WDR27: variants seen among roughly 807,000 people sequenced by gnomAD.
WDR27 encodes WD repeat-containing protein 27.
Under a neutral mutation model 114.4 loss-of-function variants are expected in WDR27, and 100 were observed. The ratio of observed to expected loss-of-function variants is 0.87; its 90% CI spans 0.74 to 1.03. The LOEUF is 1.03. WDR27 is among the 50% of genes least tolerant of loss of function. The probability of loss-of-function intolerance (pLI) is 0.00; values close to 1 mark genes in which losing one functional copy is unlikely to be tolerated. For synonymous variants in WDR27, 449 were observed against 423.1 expected (o/e 1.06, Z -0.75); for missense variants, 1,129 against 1,092.9 (o/e 1.03, Z -0.47).
intron 17 of WDR27, among the ~76,000 whole-genome samples, chr6:169,640,439 G>A (rs1415938829): frequency 6.6e-6 from 1 of 152,204 alleles, no homozygotes; most frequent in Non-Finnish European, 1.5e-5. Flanking sequence ...TAGCTTTGCT[G>A]CCCTCACGTG....
At chr6:169,510,209 G>A (rs1285668750) in intron 25 of WDR27, among the ~76,000 whole-genome samples, 2 of 152,190 alleles carry the variant, frequency 1.3e-5, no homozygotes, top group Admixed American at 1.3e-4. Flanking sequence ...CAACCATTGT[G>A]GAAGTTGGCG....
intron 25 of WDR27, among the ~76,000 whole-genome samples, chr6:169,543,179 T>C (rs1446227788): frequency 6.6e-6 from 1 of 152,118 alleles, no homozygotes; most frequent in Non-Finnish European, 1.5e-5. Flanking sequence ...ATATCTTTTC[T>C]ATAAGTTTCA....
downstream of WDR27, among the ~76,000 whole-genome samples, chr6:169,452,461 G>A (rs1267280825): frequency 6.6e-6 from 1 of 152,242 alleles, no homozygotes; most frequent in Non-Finnish European, 1.5e-5. Flanking sequence ...CGGCTGCAGT[G>A]AGAGCAGCCG....
At chr6:169,430,606 A>T in the WDR27 span, among the ~76,000 whole-genome samples, 1 of 152,240 alleles carries the variant, frequency 6.6e-6, no homozygotes, top group East Asian at 1.9e-4. Flanking sequence ...ATGAAGAAGG[A>T]AAACAGGAAC....
At position 169,659,499 on chromosome 6, in the gene WDR27, G is replaced by T. The variant is rs1263570382; in HGVS notation, c.1149C>A (p.Ile383=). The change falls in exon 11 of 26, where the codon ATC becomes ATA. Residue 383 remains isoleucine (I), a synonymous_variant. Coordinates refer to ENST00000448612, the MANE Select transcript of WDR27 (RefSeq NM_182552.5). The surrounding 1 kb of genome is among the most constrained non-coding windows in gnomAD (Gnocchi z 4.3). ...TCAGGGCACACGATCCGGCCAGCAG[G>T]ATGCTGAGGCTCTGGAAATCTTCAG... ...LYYKDFQSLS[I]LLAGSCALRN... 1 of 1,610,282 alleles carries T rather than the reference G, an allele frequency of 6.2e-7. No homozygotes were observed. The highest frequency in any genetic ancestry group is 1.1e-5 in the South Asian group (1 of 90,102).
intron 25 of WDR27, among the ~76,000 whole-genome samples, chr6:169,521,409 A>G (rs1794361684): frequency 6.6e-6 from 1 of 152,146 alleles, no homozygotes; most frequent in Non-Finnish European, 1.5e-5. Flanking sequence ...TCTTCAATCT[A>G]AAGAAAAAAA....
At chr6:169,654,137 C>T (rs146153294) in intron 13 of WDR27, among the ~76,000 whole-genome samples, 52 of 152,270 alleles carry the variant, frequency 3.4e-4, no homozygotes, top group African/African-American at 1.1e-3. Context: ...ATGCAAAACT[C>T]CTCAATAAAA....
intron 21 of WDR27, among the ~76,000 whole-genome samples, chr6:169,621,391 C>A (rs947149066): frequency 3.3e-5 from 5 of 150,974 alleles, no homozygotes; most frequent in Admixed American, 1.3e-4. Context: ...CATACGCACA[C>A]ACATGCACAC....
In WDR27 at chr6:169,511,337, G is replaced by A. The variant is rs118101910; in HGVS notation, c.2646-53703C>T. ...ATTAAAATCAAATACTTATGGATTT[G>A]TATGTTTGGCAGTACCTATTTGTGT... On this transcript the variant is annotated intron_variant, in intron 25 of 25. Coordinates refer to ENST00000448612, the MANE Select transcript of WDR27 (RefSeq NM_182552.5). Among the ~76,000 whole-genome samples, 112 of 152,246 alleles carry A rather than the reference G, an allele frequency of 7.4e-4. 3 individuals are homozygous for A. In the East Asian group the frequency reaches 0.02, roughly 28 times the overall value.
intron 25 of WDR27, among the ~76,000 whole-genome samples, chr6:169,476,186 T>C (rs1447193058): frequency 6.6e-6 from 1 of 152,118 alleles, no homozygotes; most frequent in Non-Finnish European, 1.5e-5. Context: ...AGCTCTGTGC[T>C]AAAGGGTGGA....
rs374789103 is a variant in WDR27 at position 169,550,283 on chromosome 6, CAAG to C, written c.2645+22133_2645+22135del. 1.8e-3 allele frequency among the ~76,000 whole-genome samples: 281 copies of C among 152,302 alleles called. 1 individual carries two copies. Among genetic ancestry groups the C allele is most frequent in the African/African-American group, 6.2e-3 (257 of 41,564 alleles). On this transcript the variant is annotated intron_variant, in intron 25 of 25. Transcript: ENST00000448612. The stretch of plus-strand genomic sequence containing the variant: ...TCTAAAATAACACATCTAGCATCAA[CAAG>C]AAGGTTAATGAGGCCAGGAACTGCT...
chr6:169,426,840 C>CCTGCCTG, the WDR27 span: 101 of 153,350 alleles, frequency 6.6e-4, no homozygotes, highest in Non-Finnish European at 6.7e-4. Context: ...CCACTCAGCA[C>CCTGCCTG]CTGCCTGCTG....
chr6:169,666,589 C>A (rs375006064), intron 6 of WDR27: 1 of 985,520 alleles, frequency 1.0e-6, no homozygotes, highest in African/African-American at 1.7e-5. Context: ...CTCCTTATGC[C>A]GTGCTCCGCG....
intron 25 of WDR27, among the ~76,000 whole-genome samples, chr6:169,565,122 C>T (rs1800260670): frequency 6.6e-6 from 1 of 152,182 alleles, no homozygotes; most frequent in African/African-American, 2.4e-5. Context: ...GCTTACACGG[C>T]GGGAGATGTG....
chr6:169,544,644 G>A (rs768236398), intron 25 of WDR27, among the ~76,000 whole-genome samples: 2 of 151,956 alleles, frequency 1.3e-5, no homozygotes, highest in Non-Finnish European at 2.9e-5. Flanking sequence ...CATGTTGGCC[G>A]AGCTGGTCTC....
chr6:169,643,066 C>T (rs971309631), intron 17 of WDR27, among the ~76,000 whole-genome samples: 4 of 152,120 alleles, frequency 2.6e-5, no homozygotes. Context: ...TTTTGGATTA[C>T]GGATGCTCAA....
At chr6:169,576,253 G>GCATGACCATGGGGTATGGGATGGTGGC (rs1802315541) in intron 24 of WDR27, among the ~76,000 whole-genome samples, 1 of 152,206 alleles carries the variant, frequency 6.6e-6, no homozygotes, top group Non-Finnish European at 1.5e-5. Context: ...CTCATGGTGG[G>GCATGACCATGGGGTATGGGATGGTGGC]CATGACCATG....
chr6:169,570,421 A>G (rs2128126295), intron 25 of WDR27, among the ~76,000 whole-genome samples: 1 of 152,350 alleles, frequency 6.6e-6, no homozygotes, highest in African/African-American at 2.4e-5. Flanking sequence ...GGAGGACACG[A>G]GACCAGCAGT....
chr6:169,675,416 T>C lies in WDR27; in HGVS notation c.190-3020A>G, dbSNP rs929937277. On this transcript the variant is annotated intron_variant, in intron 2 of 25. Coordinates refer to ENST00000448612, the MANE Select transcript of WDR27 (RefSeq NM_182552.5). The stretch of plus-strand genomic sequence containing the variant: ...AGCATTTGTTGGTGCCATGCTTGTG[T>C]CGACAAAAGAGTCGAACTTTGTAAA... Among the ~76,000 whole-genome samples the C allele has an allele frequency of 6.6e-5, 10 of 152,258 alleles. No individual in the cohort carries two copies. The East Asian group carries it at 1.9e-3, about 29-fold the overall frequency.
Sources: allele counts gnomAD v4.1 joint callset (sites outside exome capture counted in the v4.1 genomes callset), GRCh38; gene constraint gnomAD v4.1.1; non-coding constraint Gnocchi (gnomAD v3.1); transcripts MANE v1.5; gene names NCBI Gene and HGNC (gene_info 2026-07-23, HGNC 2026-07-21).